Variants in MCPH1 observed in about 807,000 individuals in gnomAD.
MCPH1 encodes the protein microcephalin 1.
MCPH1 carries 104 observed loss-of-function variants against 84.5 expected under a neutral mutation model. The ratio of observed to expected loss-of-function variants is 1.23; its 90% confidence interval spans 1.05 to 1.45. The LOEUF (loss-of-function observed/expected upper bound fraction) is 1.45. Among genes scored for constraint, MCPH1 ranks in the 40% most tolerant of loss-of-function variants. The probability of loss-of-function intolerance (pLI) is 0.00; values close to 1 mark genes in which losing one functional copy is unlikely to be tolerated. For missense variants in MCPH1, 1,498 were observed against 1,005.7 expected (o/e 1.49, Z -6.62); for synonymous variants, 514 against 366.8 (o/e 1.40, Z -4.58).
intron 3 of MCPH1, among the ~76,000 whole-genome samples, chr8:6,416,364 G>A (rs900505920): frequency 2.6e-5 from 4 of 152,298 alleles, no homozygotes; most frequent in South Asian, 2.1e-4. Flanking sequence ...GAAGTGGTGA[G>A]AATGGACGTC....
At chr8:6,585,742 T>A (rs1827925596) in intron 12 of MCPH1, among the ~76,000 whole-genome samples, 2 of 152,182 alleles carry the variant, frequency 1.3e-5, no homozygotes. Flanking sequence ...TTCCTCCTCT[T>A]TATAAAGTCT....
intron 12 of MCPH1, among the ~76,000 whole-genome samples, chr8:6,504,886 G>A (rs1812970307): frequency 6.6e-6 from 1 of 151,980 alleles, no homozygotes; most frequent in Admixed American, 6.6e-5. Flanking sequence ...GGACATCTTG[G>A]AATGTTTCCC....
At chr8:6,452,490 G>T (rs1165323365) in intron 8 of MCPH1, among the ~76,000 whole-genome samples, 10 of 152,234 alleles carry the variant, frequency 6.6e-5, no homozygotes, top group Non-Finnish European at 1.2e-4. Flanking sequence ...GAAAATGAGA[G>T]GAAGATATAT....
At chr8:6,407,804 C>T (rs1388374030) in intron 1 of MCPH1, among the ~76,000 whole-genome samples, 1 of 152,158 alleles carries the variant, frequency 6.6e-6, no homozygotes, top group East Asian at 1.9e-4. Flanking sequence ...CACTATGCCC[C>T]CCAGGCCATA....
Position 6,593,325 on chromosome 8 carries a change from C to T in MCPH1, c.2215-28129C>T, listed in dbSNP as rs529155427. Among the ~76,000 whole-genome samples, 5 of 151,920 alleles carry T rather than the reference C, an allele frequency of 3.3e-5. No homozygotes were observed. In the East Asian group the frequency reaches 7.8e-4, roughly 24 times the overall value. ...CTCAAACTCCTGACCTCAGATGATC[C>T]GCCCACCTCGGCCTCCCAACCTGCT... On this transcript the variant is annotated intron_variant, in intron 12 of 13. Transcript: ENST00000344683.
intron 12 of MCPH1, among the ~76,000 whole-genome samples, chr8:6,540,593 A>G (rs1821359985): frequency 6.6e-6 from 1 of 152,228 alleles, no homozygotes; most frequent in African/African-American, 2.4e-5. Context: ...AGACGTTGTC[A>G]GGCCACGTCT....
intron 11 of MCPH1, among the ~76,000 whole-genome samples, chr8:6,499,060 A>G (rs966488027): frequency 5.7e-5 from 8 of 139,856 alleles, no homozygotes; most frequent in African/African-American, 2.1e-4. Context: ...TCAAAAAATA[A>G]ATAAATTAAA....
chr8:6,413,809 C>T (rs1225354848), intron 2 of MCPH1, among the ~76,000 whole-genome samples: 3 of 150,576 alleles, frequency 2.0e-5, no homozygotes, highest in African/African-American at 7.4e-5. Flanking sequence ...GGCTGGAGTG[C>T]AATGGCACAA....
chr8:6,508,815 A>G (rs1814324212), intron 12 of MCPH1: 2 of 1,380,642 alleles, frequency 1.4e-6, no homozygotes, highest in African/African-American at 1.4e-5. Context: ...TAGTGTGTCT[A>G]CGTATGAAAT....
At chr8:6,477,472 G>A in intron 9 of MCPH1, 122 bp from the exon 10 acceptor site, 1 of 864,204 alleles carries the variant, frequency 1.2e-6, no homozygotes. Flanking sequence ...TTTGACATAT[G>A]CTTAAATGTT....
chr8:6,486,338 C>A (rs982879595), intron 11 of MCPH1, among the ~76,000 whole-genome samples: 6 of 151,642 alleles, frequency 4.0e-5, no homozygotes, highest in Non-Finnish European at 7.4e-5. Flanking sequence ...TCCTTCTAAC[C>A]CTGTCTCCAA....
At chr8:6,578,837 C>T (rs79676110) in intron 12 of MCPH1, among the ~76,000 whole-genome samples, 60 of 152,272 alleles carry the variant, frequency 3.9e-4, no homozygotes, top group African/African-American at 1.3e-3. Flanking sequence ...GAGCTGCTCT[C>T]GGCTCCTTTG....
Position 6,450,399 on chromosome 8 carries a change from C to T in MCPH1, c.1826-4744C>T, listed in dbSNP as rs931535304. On this transcript the variant is annotated intron_variant, in intron 8 of 13. Transcript: ENST00000344683. ...ACAACATTCTATGGGCAAGTTTCTG[C>T]AAACTTGCACTCAGCACCAGACCAT... Among the ~76,000 whole-genome samples the T allele has an allele frequency of 2.6e-5, 4 of 151,554 alleles. No individual in the cohort carries two copies. The East Asian group carries it at 5.8e-4, about 22-fold the overall frequency.
chr8:6,538,299 C>T (rs1820874978), intron 12 of MCPH1, among the ~76,000 whole-genome samples: 1 of 152,136 alleles, frequency 6.6e-6, no homozygotes, highest in African/African-American at 2.4e-5. Flanking sequence ...CGTTTTCTAC[C>T]CCCCATGATC....
chr8:6,407,271 G>A (rs566494144), intron 1 of MCPH1: 1 of 161,010 alleles, frequency 6.2e-6, no homozygotes, highest in African/African-American at 2.4e-5. Flanking sequence ...CTTTTACTGC[G>A]GAGTCTTTGT....
intron 12 of MCPH1, among the ~76,000 whole-genome samples, chr8:6,597,080 T>C (rs1259559044): frequency 6.6e-6 from 1 of 152,192 alleles, no homozygotes; most frequent in Non-Finnish European, 1.5e-5. Context: ...CAGGCTGGAC[T>C]CACAGCCCTC....
chr8:6,568,048 G>A (rs548339730), intron 12 of MCPH1, among the ~76,000 whole-genome samples: 1 of 152,166 alleles, frequency 6.6e-6, no homozygotes, highest in Non-Finnish European at 1.5e-5. Context: ...CTGTGGAACT[G>A]TCTCAAGTTC....
At chr8:6,623,895 G>A (rs189012037) in intron 13 of MCPH1, among the ~76,000 whole-genome samples, 2 of 152,296 alleles carry the variant, frequency 1.3e-5, no homozygotes, top group East Asian at 3.9e-4. Flanking sequence ...CTGAAAGCAT[G>A]TCTGGGCCAG....
chr8:6,524,522 T>A (rs1319578801), intron 12 of MCPH1, among the ~76,000 whole-genome samples: 1 of 152,236 alleles, frequency 6.6e-6, no homozygotes, highest in Non-Finnish European at 1.5e-5. Context: ...GAAATTGACA[T>A]ACACGTTTCA....
Sources: allele counts gnomAD v4.1 joint callset (sites outside exome capture counted in the v4.1 genomes callset), GRCh38; gene constraint gnomAD v4.1.1; transcripts MANE v1.5; gene names NCBI Gene and HGNC (gene_info 2026-07-23, HGNC 2026-07-21).